The following CCDC171 variants were observed in gnomAD, a reference collection of about 807,000 sequenced individuals.
The protein encoded by CCDC171 is coiled-coil domain containing 171.
CCDC171 carries 177 observed loss-of-function variants against 168.2 expected under a neutral mutation model. That is an observed-to-expected ratio of 1.05 (90% CI 0.93 to 1.19). The LOEUF (loss-of-function observed/expected upper bound fraction) is 1.19, where lower values mean the gene tolerates loss of function less well. Ranked by LOEUF, CCDC171 falls within the 50% of genes most tolerant of loss-of-function variation. The pLI, the probability that CCDC171 is intolerant of heterozygous loss-of-function variation, is 0.00. For missense variants in CCDC171, 1,991 were observed against 1,539.0 expected (o/e 1.29, Z -4.91); for synonymous variants, 687 against 540.8 (o/e 1.27, Z -3.75).
rs983198268 is a variant in CCDC171, at chr9:15,917,163, A to C, written c.3601-3107A>C. Among the ~76,000 whole-genome samples, 23 of 151,912 alleles carry C rather than the reference A, an allele frequency of 1.5e-4. 1 individual carries two copies. Among genetic ancestry groups the C allele is most frequent in the African/African-American group, 5.6e-4 (23 of 41,432 alleles). ...TTGGTATGCTTTACTGTATAGTTTGAATCACTTATTAATACTGGAAGTTAA... is the reference window on the plus strand; with the variant it reads ...TTGGTATGCTTTACTGTATAGTTTGCATCACTTATTAATACTGGAAGTTAA... On this transcript the variant is annotated intron_variant, in intron 24 of 25. Transcript: ENST00000380701.
chr9:15,607,111 T>C (rs764779862), intron 6 of CCDC171, among the ~76,000 whole-genome samples: 3 of 152,186 alleles, frequency 2.0e-5, no homozygotes, highest in Non-Finnish European at 2.9e-5. Flanking sequence ...AGCCATAAAC[T>C]TAAAGCAAAT....
upstream of CCDC171, among the ~76,000 whole-genome samples, chr9:16,039,243 C>A (rs1261529951): frequency 6.6e-6 from 1 of 152,170 alleles, no homozygotes; most frequent in East Asian, 1.9e-4. Flanking sequence ...ATTCTCTGAC[C>A]TTTGCTGTCA....
intron 25 of CCDC171, among the ~76,000 whole-genome samples, chr9:15,965,544 G>A (rs1830712012): frequency 6.6e-6 from 1 of 152,210 alleles, no homozygotes; most frequent in Non-Finnish European, 1.5e-5. Context: ...GAAGATAATT[G>A]TAGTGCTTTC....
intron 6 of CCDC171, among the ~76,000 whole-genome samples, chr9:15,607,716 G>C (rs1370740713): frequency 6.6e-6 from 1 of 152,100 alleles, no homozygotes; most frequent in Non-Finnish European, 1.5e-5. Flanking sequence ...ACCCGCCTTG[G>C]CCTATCAAAG....
intron 6 of CCDC171, among the ~76,000 whole-genome samples, chr9:15,604,422 A>G (rs1416095960): frequency 6.6e-6 from 1 of 152,156 alleles, no homozygotes; most frequent in East Asian, 1.9e-4. Flanking sequence ...AATTTCACGT[A>G]TACTTTATCA....
chr9:15,790,438 C>T (rs144626710), intron 21 of CCDC171, among the ~76,000 whole-genome samples: 2,292 of 152,010 alleles, frequency 0.015, 70 homozygotes, highest in African/African-American at 0.052. Flanking sequence ...CTTTTTGATG[C>T]GGTTGTTTGT....
chr9:15,702,497 G>A (rs1049777709), intron 11 of CCDC171, among the ~76,000 whole-genome samples: 2 of 151,978 alleles, frequency 1.3e-5, no homozygotes, highest in Non-Finnish European at 2.9e-5. Flanking sequence ...AGGGCCCTAG[G>A]ATTTTTTCAA....
intron 1 of CCDC171, among the ~76,000 whole-genome samples, chr9:15,558,494 C>T (rs1323307077): frequency 1.3e-5 from 2 of 152,168 alleles, no homozygotes; most frequent in East Asian, 3.8e-4. Flanking sequence ...TTATCCATTT[C>T]CTCTAGATTT....
At chr9:15,746,318 G>T (rs2134692605) in intron 18 of CCDC171, among the ~76,000 whole-genome samples, 1 of 152,180 alleles carries the variant, frequency 6.6e-6, no homozygotes, top group African/African-American at 2.4e-5. Context: ...TGATAATTTG[G>T]GATTTAATTC....
At chr9:15,615,885 C>T (rs944318875) in intron 6 of CCDC171, among the ~76,000 whole-genome samples, 9 of 151,014 alleles carry the variant, frequency 6.0e-5, no homozygotes, top group South Asian at 4.2e-4. Flanking sequence ...CACAAGTGAT[C>T]CTCCCACCTC....
intron 16 of CCDC171, among the ~76,000 whole-genome samples, chr9:15,737,675 A>C (rs535254861): frequency 3.3e-4 from 50 of 152,316 alleles, no homozygotes; most frequent in African/African-American, 1.2e-3. Flanking sequence ...TTAGAAACAA[A>C]ACAATAAACC....
intron 25 of CCDC171, among the ~76,000 whole-genome samples, chr9:15,958,009 C>G (rs1408154957): frequency 1.3e-5 from 2 of 152,138 alleles, no homozygotes; most frequent in Non-Finnish European, 2.9e-5. Context: ...TGAAGTTAAA[C>G]TCTGTGAAAT....
chr9:15,824,374 G>C (rs1489094593), intron 21 of CCDC171, among the ~76,000 whole-genome samples: 1 of 151,806 alleles, frequency 6.6e-6, no homozygotes, highest in Non-Finnish European at 1.5e-5. Context: ...GTATATATAT[G>C]TCTGTCACGA....
At chr9:15,568,792 G>A (rs1348921395) in intron 2 of CCDC171, among the ~76,000 whole-genome samples, 1 of 151,898 alleles carries the variant, frequency 6.6e-6, no homozygotes. Context: ...TATAGATGCT[G>A]GATATTAGAC....
At chr9:16,028,193 C>T (rs983797880) in intron 6 of CCDC171, among the ~76,000 whole-genome samples, 25 of 152,144 alleles carry the variant, frequency 1.6e-4, no homozygotes, top group Non-Finnish European at 3.5e-4. Context: ...AAATGCACGT[C>T]CTGATACCAG....
At chr9:15,814,231 C>T (rs1347269532) in intron 21 of CCDC171, among the ~76,000 whole-genome samples, 1 of 152,194 alleles carries the variant, frequency 6.6e-6, no homozygotes, top group African/African-American at 2.4e-5. Context: ...TCTGAAAATC[C>T]ATTCCATTGT....
intron 6 of CCDC171, chr9:16,022,912 A>G (rs16933967): frequency 0.015 from 2,273 of 152,316 alleles, 76 homozygotes; most frequent in South Asian, 0.11. Flanking sequence ...ATGCATGGTA[A>G]GCAACCTTTC....
chr9:15,881,024 C>G (rs991850012), intron 24 of CCDC171, among the ~76,000 whole-genome samples: 16 of 152,130 alleles, frequency 1.1e-4, no homozygotes, highest in Admixed American at 2.0e-4. Context: ...TCTAGTTCTT[C>G]AGAATGTAAA....
intron 5 of CCDC171, 126 bp downstream of exon 5, chr9:15,591,682 T>C (rs1341873443): frequency 3.2e-6 from 2 of 616,118 alleles, no homozygotes; most frequent in Non-Finnish European, 5.5e-6. Context: ...CTCCCTCCCA[T>C]TTTTTCTTTT....
Sources: gnomAD v4.1 joint callset for allele counts (sites outside exome capture counted in the v4.1 genomes callset) on GRCh38, gnomAD v4.1.1 for gene constraint, MANE v1.5 for transcripts, NCBI Gene and HGNC (gene_info 2026-07-23, HGNC 2026-07-21) for gene names.